AK9: variants seen among roughly 807,000 people sequenced by gnomAD.
AK9 encodes adenylate kinase domain containing 1.
A neutral mutation model predicts 239.6 loss-of-function variants in AK9; 191 were observed. The observed-to-expected ratio is 0.80, with a 90% confidence interval of 0.71 to 0.90. The LOEUF is 0.90. Ranked by LOEUF, AK9 falls within the 40% of genes least tolerant of loss-of-function variation. AK9 has a pLI of 0.00. For missense variants in AK9, 1,995 were observed against 2,214.7 expected (o/e 0.90, Z 1.99); for synonymous variants, 689 against 721.0 (o/e 0.96, Z 0.71).
At chr6:109,667,116 T>C (rs1400857665) in intron 5 of AK9, among the ~76,000 whole-genome samples, 2 of 150,086 alleles carry the variant, frequency 1.3e-5, no homozygotes, top group African/African-American at 2.4e-5. Context: ...AAGATAATTA[T>C]AGATCGTGTA....
intron 28 of AK9, among the ~76,000 whole-genome samples, chr6:109,531,511 T>G (rs1445220432): frequency 1.3e-5 from 2 of 152,150 alleles, no homozygotes; most frequent in Admixed American, 1.3e-4. Context: ...CCACTAGCTG[T>G]GTGTGGCTAT....
At chr6:109,495,101 C>T (rs982717906) in intron 39 of AK9, among the ~76,000 whole-genome samples, 3 of 152,150 alleles carry the variant, frequency 2.0e-5, no homozygotes, top group Non-Finnish European at 2.9e-5. Flanking sequence ...AATTTTGTGG[C>T]GCTCTACTTT....
chr6:109,632,265 T>A, intron 12 of AK9: 1 of 985,514 alleles, frequency 1.0e-6, no homozygotes, highest in Non-Finnish European at 1.2e-6. Flanking sequence ...TTCTGTGGCC[T>A]GAATTGCTCT....
At chr6:109,645,947 G>C (rs1339436379) in intron 8 of AK9, among the ~76,000 whole-genome samples, 2 of 152,176 alleles carry the variant, frequency 1.3e-5, no homozygotes, top group East Asian at 3.8e-4. Flanking sequence ...AGGCAAACAG[G>C]GTATCCATAG....
rs778684967 is a variant in AK9 at position 109,550,140 on chromosome 6, T to C, written c.2914A>G (p.Lys972Glu). Residue 972 changes from lysine to glutamate, a missense_variant, in exon 25 of 41, where the codon AAG becomes GAG. Transcript: ENST00000424296. ...YYFSSAEAKEKFLEHPEDYVA... is the reference protein window; with the variant it reads ...YYFSSAEAKEEFLEHPEDYVA... ...TAATCCTCAGGATGCTCCAAAAACT[T>C]TTCTTTAGCCTCAGCACTTGAAAAG... The C allele has an allele frequency of 6.2e-7, 1 of 1,613,970 alleles. No individual in the cohort carries two copies. Among genetic ancestry groups the C allele is most frequent in the Admixed American group, 1.7e-5 (1 of 60,006 alleles).
chr6:109,680,330 C>T (rs1483308546), intron 1 of AK9, among the ~76,000 whole-genome samples: 3 of 151,870 alleles, frequency 2.0e-5, no homozygotes, highest in African/African-American at 4.8e-5. Context: ...ATAGCCGAAT[C>T]GATCAAGTGG....
intron 17 of AK9, among the ~76,000 whole-genome samples, chr6:109,599,655 T>G (rs1177209686): frequency 6.6e-6 from 1 of 152,150 alleles, no homozygotes; most frequent in Non-Finnish European, 1.5e-5. Context: ...AATCTATAAA[T>G]TACCTTGGGC....
At position 109,529,066 on chromosome 6, in the gene AK9, G is replaced by A. The variant is rs372289484; in HGVS notation, c.3578C>T (p.Thr1193Met). 1.6e-5 allele frequency: 25 copies of A among 1,569,570 alleles called. No homozygotes were observed. Among genetic ancestry groups the A allele is most frequent in the East Asian group, 4.5e-5 (2 of 44,654 alleles). Reference sequence around the variant, plus strand: ...AAGTTCAGCCCTTCTTTTAGCAATCGTATCAACCTGTTAAAGAAAGAGACA... The same window carrying A: ...AAGTTCAGCCCTTCTTTTAGCAATCATATCAACCTGTTAAAGAAAGAGACA... Reference protein sequence around the residue: ...KDMKAKIRVDTIAKRRAELIL... With the variant: ...KDMKAKIRVDMIAKRRAELIL... The change falls in exon 29 of 41, where the codon ACG (threonine) becomes ATG (methionine). Residue 1193 changes from threonine (T) to methionine (M), a missense_variant. By Grantham distance (81) the Thr-to-Met change is moderately conservative. Around this residue, in one of 5 missense-constraint regions of AK9, gnomAD observed 1,290 missense variants for 1,392.7 expected, o/e 0.93. Transcript: ENST00000424296.
At chr6:109,670,681 G>A (rs921382132) in intron 5 of AK9, among the ~76,000 whole-genome samples, 26 of 151,824 alleles carry the variant, frequency 1.7e-4, no homozygotes, top group Non-Finnish European at 3.5e-4. Context: ...TTTTTCAAGA[G>A]GTAAGTGAGG....
chr6:109,562,079 TCAACTGGTATATATTGTGCAAA>T (rs1287778739), intron 24 of AK9, among the ~76,000 whole-genome samples: 36 of 152,296 alleles, frequency 2.4e-4, no homozygotes, highest in African/African-American at 8.2e-4. Context: ...TTAAAAATGC[TCAACTGGTATATATTGTGCAAA>T]TATTCAAGAA....
chr6:109,548,799 C>G (rs543131305), intron 25 of AK9, among the ~76,000 whole-genome samples: 18 of 152,260 alleles, frequency 1.2e-4, no homozygotes, highest in African/African-American at 4.3e-4. Flanking sequence ...GGATCAGAAT[C>G]TTGAAGCATT....
intron 31 of AK9, among the ~76,000 whole-genome samples, chr6:109,515,332 C>A (rs1003300483): frequency 5.3e-5 from 8 of 152,128 alleles, no homozygotes; most frequent in Admixed American, 2.0e-4. Context: ...TAAAAGGCAA[C>A]CTAAGGTGTG....
rs144215677 is a variant in AK9 at position 109,611,255 on chromosome 6, C to T, written c.1694-742G>A. 2.5e-3 allele frequency among the ~76,000 whole-genome samples: 378 copies of T among 152,284 alleles called. 2 individuals are homozygous for T. The highest frequency in any genetic ancestry group is 2.9e-3 in the Non-Finnish European group (197 of 68,024). On this transcript the variant is annotated intron_variant, in intron 16 of 40. Transcript: ENST00000424296. Reference sequence around the variant, plus strand: ...CAAAAGCAGTTGCCTGCTGCCCTCCCTGCCTGAAAGTGTTCTCAGGGATCA... The same window carrying T: ...CAAAAGCAGTTGCCTGCTGCCCTCCTTGCCTGAAAGTGTTCTCAGGGATCA...
chr6:109,500,948 G>A (rs1777546514), intron 35 of AK9, among the ~76,000 whole-genome samples: 1 of 152,140 alleles, frequency 6.6e-6, no homozygotes, highest in Non-Finnish European at 1.5e-5. Context: ...AGCTTGGGAG[G>A]TGGAGGCTGC....
At chr6:109,503,142 T>C (rs566884353) in intron 35 of AK9, among the ~76,000 whole-genome samples, 1 of 152,180 alleles carries the variant, frequency 6.6e-6, no homozygotes, top group South Asian at 2.1e-4. Flanking sequence ...TATGATACTA[T>C]AGTGGTACTA....
intron 12 of AK9, among the ~76,000 whole-genome samples, chr6:109,624,049 T>C (rs1055370253): frequency 6.8e-6 from 1 of 148,028 alleles, no homozygotes; most frequent in African/African-American, 2.5e-5. Context: ...TTCCTGCAGG[T>C]TTTTTTTTTG....
At chr6:109,646,743 A>G (rs1242969233) in intron 8 of AK9, among the ~76,000 whole-genome samples, 3 of 152,190 alleles carry the variant, frequency 2.0e-5, no homozygotes, top group African/African-American at 7.2e-5. Context: ...AGAGAACGCT[A>G]CAAAGATACT....
At chr6:109,613,899 A>G (rs1793860902) in intron 15 of AK9, among the ~76,000 whole-genome samples, 1 of 152,108 alleles carries the variant, frequency 6.6e-6, no homozygotes, top group Non-Finnish European at 1.5e-5. Context: ...TTTAAAAAGA[A>G]TTTATGATAT....
chr6:109,666,318 C>T (rs781607676), intron 5 of AK9, among the ~76,000 whole-genome samples: 31 of 152,176 alleles, frequency 2.0e-4, no homozygotes, highest in Non-Finnish European at 4.4e-5. Context: ...GTTAAACAGA[C>T]CAGAACTACT....
Sources: gnomAD v4.1 joint callset for allele counts (sites outside exome capture counted in the v4.1 genomes callset) on GRCh38, gnomAD v4.1.1 for gene constraint, gnomAD v4.1.1 regional missense constraint, MANE v1.5 for transcripts, NCBI Gene and HGNC (gene_info 2026-07-23, HGNC 2026-07-21) for gene names.